Variants in MAP3K9 observed in about 807,000 individuals in gnomAD.
The protein encoded by MAP3K9 is mitogen-activated protein kinase kinase kinase 9.
MAP3K9 carries 46 observed loss-of-function variants against 95.8 expected under a neutral mutation model. That is an observed-to-expected ratio of 0.48 (90% confidence interval 0.38 to 0.61). MAP3K9 has a LOEUF of 0.61. Among genes scored for constraint, MAP3K9 ranks in the 20% least tolerant of loss-of-function variants. The pLI, the probability that MAP3K9 is intolerant of heterozygous loss-of-function variation, is 0.00. For synonymous variants in MAP3K9, 533 were observed against 593.8 expected, an observed-to-expected ratio of 0.90 and a Z score of 1.49; for missense variants, 1,296 against 1,474.3, an observed-to-expected ratio of 0.88 and a Z score of 1.98.
At chr14:70,739,873 G>A in intron 7 of MAP3K9, 169 bp downstream of exon 7, 1 of 1,562,580 alleles carries the variant, frequency 6.4e-7, no homozygotes, top group Non-Finnish European at 8.7e-7. Context: ...AGAGAGACAA[G>A]GGAGAGGGCT....
intron 8 of MAP3K9, among the ~76,000 whole-genome samples, chr14:70,737,111 T>C (rs2053996150): frequency 6.6e-6 from 1 of 152,186 alleles, no homozygotes; most frequent in Non-Finnish European, 1.5e-5. Flanking sequence ...ACTTATTTAA[T>C]AGAAACATCA....
At chr14:70,742,732 G>C in intron 5 of MAP3K9, 141 bp from the exon 6 acceptor site, 1 of 942,460 alleles carries the variant, frequency 1.1e-6, no homozygotes, top group South Asian at 1.8e-5. Context: ...GAGAGGACTC[G>C]ATAGCTGGTA....
chr14:70,809,190 G>T lies in MAP3K9; in HGVS notation c.-19C>A. 7.7e-7 allele frequency: 1 copy of T among 1,297,644 alleles called. No homozygotes were observed. The highest frequency in any genetic ancestry group is 2.6e-5 in the South Asian group (1 of 39,138). 80.4% of individuals were successfully genotyped at this position (1,297,644 alleles called of 1,614,324 possible). A position where few individuals can be genotyped will look rare whatever the true frequency, so the allele number is the denominator to read the frequency against. On this transcript the variant is annotated 5_prime_UTR_variant, in exon 1 of 12. Transcript: ENST00000554752. ...GCTCCATGGAGCGGCCGATCCATAG[G>T]GTGCGGGGCCGCCGCCGCCCGCAGG...
At chr14:70,801,235 C>T (rs191428277) in intron 1 of MAP3K9, among the ~76,000 whole-genome samples, 155 bp from the exon 2 acceptor site, 1 of 152,282 alleles carries the variant, frequency 6.6e-6, no homozygotes, top group African/African-American at 2.4e-5. Flanking sequence ...AGGGCAGGAA[C>T]TGCAATCAAC....
At chr14:70,787,141 T>C (rs1277556189) in intron 2 of MAP3K9, among the ~76,000 whole-genome samples, 1 of 152,142 alleles carries the variant, frequency 6.6e-6, no homozygotes, top group Non-Finnish European at 1.5e-5. Context: ...AATGATACTT[T>C]TTCCTGTTAT....
chr14:70,804,830 G>C (rs2054972861), intron 1 of MAP3K9, among the ~76,000 whole-genome samples: 1 of 152,150 alleles, frequency 6.6e-6, no homozygotes, highest in Non-Finnish European at 1.5e-5. Flanking sequence ...TTGCTATTTA[G>C]TTAAGCAAAT....
chr14:70,806,287 T>C (rs747312333), intron 1 of MAP3K9, among the ~76,000 whole-genome samples: 1 of 152,200 alleles, frequency 6.6e-6, no homozygotes, highest in Non-Finnish European at 1.5e-5. Flanking sequence ...ACATACTTAA[T>C]CTCCCTCATG....
At position 70,725,830 on chromosome 14, in the gene MAP3K9, T is replaced by TCA. The variant is rs34648545; in HGVS notation, c.*4548_*4549dup. On this transcript the variant is annotated 3_prime_UTR_variant, in exon 12 of 12. Coordinates refer to ENST00000554752, the MANE Select transcript of MAP3K9 (RefSeq NM_001284230.2). ...TTTGACGTAAAACCGTACGTATATT[T>TCA]CACACACACACACACACACACTTTT... 25,905 of 150,834 alleles carry TCA rather than the reference T, an allele frequency of 0.17. 2,852 individuals carry two copies. The highest frequency in any genetic ancestry group is 0.24 in the Non-Finnish European group (15,942 of 67,610). The allele number at this position is 150,834 out of a possible 1,614,324, so 9.3% of individuals were successfully genotyped here.
At chr14:70,764,223 C>T (rs2139788737) in intron 2 of MAP3K9, among the ~76,000 whole-genome samples, 1 of 130,526 alleles carries the variant, frequency 7.7e-6, no homozygotes, top group South Asian at 2.6e-4. Flanking sequence ...AACTGTAAAA[C>T]GGCATCAGGC....
intron 3 of MAP3K9, among the ~76,000 whole-genome samples, chr14:70,751,420 T>C (rs2054225749): frequency 6.6e-6 from 1 of 152,172 alleles, no homozygotes; most frequent in African/African-American, 2.4e-5. Context: ...TAAAAAATAA[T>C]AATAGGCCAG....
intron 2 of MAP3K9, among the ~76,000 whole-genome samples, chr14:70,771,618 C>T (rs948136617): frequency 6.6e-6 from 1 of 152,160 alleles, no homozygotes; most frequent in Non-Finnish European, 1.5e-5. Flanking sequence ...GCCCCCATTT[C>T]CCTACCTCTG....
At chr14:70,754,111 T>A (rs1455127557) in intron 3 of MAP3K9, among the ~76,000 whole-genome samples, 1 of 152,256 alleles carries the variant, frequency 6.6e-6, no homozygotes, top group African/African-American at 2.4e-5. Flanking sequence ...ATAATTGAAC[T>A]AATATATGTG....
chr14:70,789,640 C>T (rs1018671915), intron 2 of MAP3K9, among the ~76,000 whole-genome samples: 2 of 152,238 alleles, frequency 1.3e-5, no homozygotes, highest in African/African-American at 4.8e-5. Context: ...GTCTATCTAA[C>T]TCCCAAGGCG....
At chr14:70,742,005 C>T (rs1381294827) in intron 6 of MAP3K9, among the ~76,000 whole-genome samples, 4 of 152,174 alleles carry the variant, frequency 2.6e-5, no homozygotes, top group African/African-American at 9.7e-5. Context: ...TCGTGTCTCA[C>T]ACATGCACAC....
intron 4 of MAP3K9, chr14:70,749,516 C>A (rs1169099949): frequency 1.2e-5 from 2 of 169,102 alleles, no homozygotes; most frequent in Admixed American, 1.2e-4. Context: ...GGCCACCTAT[C>A]CACTCAACTT....
chr14:70,757,603 A>C (rs1317490627), intron 3 of MAP3K9, among the ~76,000 whole-genome samples: 3 of 152,222 alleles, frequency 2.0e-5, no homozygotes, highest in Non-Finnish European at 4.4e-5. Context: ...TGGCCAAAAC[A>C]ATCTTCAAAG....
At position 70,748,970 on chromosome 14, in the gene MAP3K9, A is replaced by G; in HGVS notation, c.1185T>C (p.Ser395=). 6.2e-7 allele frequency: 1 copy of G among 1,614,006 alleles called. No individual in the cohort carries two copies. Among genetic ancestry groups the G allele is most frequent in the Non-Finnish European group, 8.5e-7 (1 of 1,179,978 alleles). The change falls in exon 5 of 12, where the codon TCT becomes TCC. Residue 395 remains serine (S), a synonymous_variant. Coordinates refer to ENST00000554752, the MANE Select transcript of MAP3K9 (RefSeq NM_001284230.2). ...TTAGCTGGTCCAGGATATTCGTGAA[A>G]GATGGTCGTGAGTGGGGATCAGGAT... The part of the protein sequence containing the change: ...CWNPDPHSRP[S]FTNILDQLTT...
At chr14:70,799,294 T>C (rs1020439492) in intron 2 of MAP3K9, among the ~76,000 whole-genome samples, 17 of 152,092 alleles carry the variant, frequency 1.1e-4, no homozygotes, top group Non-Finnish European at 2.1e-4. Context: ...ATTACAGACA[T>C]GAGCCACTGC....
chr14:70,739,326 T>G (rs551017748), intron 7 of MAP3K9, among the ~76,000 whole-genome samples: 11 of 152,222 alleles, frequency 7.2e-5, no homozygotes, highest in African/African-American at 2.4e-4. Context: ...GAGGCGGGGT[T>G]TCAGCATGTT....
Sources: allele counts gnomAD v4.1 joint callset (sites outside exome capture counted in the v4.1 genomes callset), GRCh38; gene constraint gnomAD v4.1.1; transcripts MANE v1.5; gene names NCBI Gene and HGNC (gene_info 2026-07-23, HGNC 2026-07-21).